CTNNA2: variants seen among roughly 807,000 people sequenced by gnomAD.
CTNNA2 encodes the protein catenin alpha 2, also known as catenin alpha-2.
In CTNNA2, 42 loss-of-function variants were observed where a neutral mutation model predicts 101.0. The observed-to-expected ratio is 0.42, with a 90% CI of 0.32 to 0.54. The LOEUF (loss-of-function observed/expected upper bound fraction) is 0.54, where lower values mean the gene tolerates loss of function less well. Ranked by LOEUF, CTNNA2 falls within the 20% of genes least tolerant of loss-of-function variation. The pLI is 0.14. For synonymous variants in CTNNA2, 450 were observed against 456.4 expected, an observed-to-expected ratio of 0.99 and a Z score of 0.18; for missense variants, 871 against 1,223.1, an observed-to-expected ratio of 0.71 and a Z score of 4.29.
At chr2:80,023,938 T>G (rs1327550216) in intron 7 of CTNNA2, among the ~76,000 whole-genome samples, 1 of 151,814 alleles carries the variant, frequency 6.6e-6, no homozygotes, top group East Asian at 1.9e-4. Flanking sequence ...ATACAAAAAA[T>G]TAGCCGGGCG....
chr2:80,501,357 C>G (rs982717894), intron 9 of CTNNA2, among the ~76,000 whole-genome samples: 1 of 152,158 alleles, frequency 6.6e-6, no homozygotes, highest in Non-Finnish European at 1.5e-5. Flanking sequence ...GAACAGATAA[C>G]TGAAATGAGA....
chr2:79,617,422 A>G (rs1322573304), intron 1 of CTNNA2, among the ~76,000 whole-genome samples: 1 of 151,868 alleles, frequency 6.6e-6, no homozygotes, highest in Admixed American at 6.6e-5. Flanking sequence ...CCATGGATTG[A>G]TCTTTCTATG....
At chr2:79,907,205 G>T (rs1476274603) in intron 6 of CTNNA2, among the ~76,000 whole-genome samples, 3 of 151,962 alleles carry the variant, frequency 2.0e-5, no homozygotes, top group Non-Finnish European at 4.4e-5. Context: ...TGTTAATATG[G>T]TTTTCTATAA....
chr2:79,465,040 G>A (rs375494178), intron 4 of CTNNA2, among the ~76,000 whole-genome samples: 3 of 151,922 alleles, frequency 2.0e-5, no homozygotes, highest in African/African-American at 7.3e-5. Context: ...TTGGTGTTTT[G>A]GACATGAAGT....
intron 9 of CTNNA2, among the ~76,000 whole-genome samples, chr2:80,499,757 G>A (rs955913292): frequency 2.0e-5 from 3 of 152,060 alleles, no homozygotes; most frequent in Non-Finnish European, 4.4e-5. Context: ...CGAGGCAGAG[G>A]CTGCAGTGAG....
intron 3 of CTNNA2, among the ~76,000 whole-genome samples, chr2:79,851,737 C>CTTTTTTTTTTTTTTTTTTTTTTTTTTTCT (rs11399192): frequency 1.1e-5 from 1 of 87,124 alleles, no homozygotes; most frequent in Non-Finnish European, 2.0e-5. Context: ...TTTTCTTTTC[C>CTTTTTTTTTTTTTTTTTTTTTTTTTTTCT]TTTTTTTTTT....
In CTNNA2 at chr2:79,744,419, C is replaced by G. The variant is rs757294238; in HGVS notation, c.135C>G (p.Gly45=). The G allele has an allele frequency of 2.5e-6, 4 of 1,613,534 alleles. No homozygotes were observed. In the African/African-American group the frequency reaches 4.0e-5, roughly 16 times the overall value. ...VTTLVNTSNK[G]PSGKKKGRSK... is the part of the protein sequence containing the mutation. ...CACTTGTCAACACAAGCAACAAAGG[C>G]CCATCTGGTAAAAAGAAAGGGAGGT... Residue 45 remains glycine, a synonymous_variant, in exon 3 of 19, where the codon GGC becomes GGG. Coordinates refer to ENST00000402739, the MANE Select transcript of CTNNA2 (RefSeq NM_001282597.3).
chr2:79,221,401 G>A (rs753651735), intron 2 of CTNNA2, among the ~76,000 whole-genome samples: 7 of 151,994 alleles, frequency 4.6e-5, no homozygotes, highest in East Asian at 1.9e-4. Flanking sequence ...CTCCCTCCTC[G>A]ACTTCCCAAA....
chr2:79,403,843 G>A (rs1429842695), intron 4 of CTNNA2, among the ~76,000 whole-genome samples: 2 of 151,962 alleles, frequency 1.3e-5, no homozygotes, highest in Admixed American at 6.6e-5. Context: ...TAACATAGTT[G>A]TTGTGGAAAG....
intron 7 of CTNNA2, among the ~76,000 whole-genome samples, chr2:80,164,942 T>G (rs922806485): frequency 8.7e-5 from 12 of 137,848 alleles, no homozygotes; most frequent in Non-Finnish European, 1.8e-4. Context: ...ACTTTTGGTT[T>G]TTTTTTTTTT....
At chr2:79,492,792 A>G (rs1671217348) in intron 4 of CTNNA2, among the ~76,000 whole-genome samples, 1 of 152,216 alleles carries the variant, frequency 6.6e-6, no homozygotes, top group African/African-American at 2.4e-5. Context: ...ATAGACCAAC[A>G]TAGATGCAAA....
At chr2:80,476,773 A>G (rs1301514848) in intron 9 of CTNNA2, among the ~76,000 whole-genome samples, 3 of 152,154 alleles carry the variant, frequency 2.0e-5, no homozygotes, top group Non-Finnish European at 4.4e-5. Flanking sequence ...ATGGAATGAA[A>G]AATAGAATGC....
At chr2:79,470,856 G>A (rs445551) in intron 4 of CTNNA2, among the ~76,000 whole-genome samples, 54,941 of 151,994 alleles carry the variant, frequency 0.36, 10,205 homozygotes, top group South Asian at 0.45. Flanking sequence ...GGGCTCTAAC[G>A]TTCCTGCAAA....
rs376761159 is a variant in CTNNA2 at position 80,240,057 on chromosome 2, G to C, written c.1057-153154G>C. Among the ~76,000 whole-genome samples the C allele has an allele frequency of 5.0e-4, 76 of 152,316 alleles. No individual in the cohort carries two copies. In the East Asian group the frequency reaches 7.5e-3, roughly 15 times the overall value. ...CCACAGTTAGCTGAAACTCTGGAAA[G>C]TGAAAGCGTGCATAAGTGGGGACTA... On this transcript the variant is annotated intron_variant, in intron 7 of 18. Coordinates refer to ENST00000402739, the MANE Select transcript of CTNNA2 (RefSeq NM_001282597.3).
chr2:80,543,922 C>T (rs1054290215), intron 9 of CTNNA2, among the ~76,000 whole-genome samples: 1 of 152,132 alleles, frequency 6.6e-6, no homozygotes, highest in South Asian at 2.1e-4. Context: ...CCCTTGCTGT[C>T]CTTCTCCTCT....
intron 7 of CTNNA2, among the ~76,000 whole-genome samples, chr2:79,976,389 T>C (rs754642778): frequency 6.6e-6 from 1 of 152,156 alleles, no homozygotes; most frequent in Non-Finnish European, 1.5e-5. Context: ...TTCACACAAC[T>C]ACCTTCTGCA....
chr2:80,405,361 G>A (rs554110057), intron 8 of CTNNA2, among the ~76,000 whole-genome samples: 1 of 152,242 alleles, frequency 6.6e-6, no homozygotes, highest in Admixed American at 6.5e-5. Flanking sequence ...AAACCCTAGT[G>A]GGTTGACTCT....
At chr2:79,383,571 A>AC (rs1678062972) in intron 4 of CTNNA2, among the ~76,000 whole-genome samples, 1 of 152,134 alleles carries the variant, frequency 6.6e-6, no homozygotes. Flanking sequence ...CTTACCTCCT[A>AC]ATTTTCCATC....
intron 7 of CTNNA2, among the ~76,000 whole-genome samples, chr2:80,207,444 A>G (rs796140302): frequency 2.0e-5 from 3 of 152,314 alleles, no homozygotes; most frequent in African/African-American, 7.2e-5. Context: ...ACTGGAGTAG[A>G]GAGAGAGGTG....
Sources: gnomAD v4.1 joint callset for allele counts (sites outside exome capture counted in the v4.1 genomes callset) on GRCh38, gnomAD v4.1.1 for gene constraint, MANE v1.5 for transcripts, NCBI Gene and HGNC (gene_info 2026-07-23, HGNC 2026-07-21) for gene names.